DAAM1: variants seen among roughly 807,000 people sequenced by gnomAD.
DAAM1 encodes the protein dishevelled associated activator of morphogenesis 1, also known as disheveled-associated activator of morphogenesis 1.
Under a neutral mutation model 130.0 loss-of-function variants are expected in DAAM1, and 52 were observed. That is an observed-to-expected ratio of 0.40 (90% confidence interval 0.32 to 0.50). DAAM1 has a LOEUF of 0.50. Ranked by LOEUF, DAAM1 falls within the 20% of genes least tolerant of loss-of-function variation. The pLI is 0.61. For synonymous variants in DAAM1, 452 were observed against 444.5 expected (o/e 1.02, Z -0.21); for missense variants, 1,134 against 1,303.8 (o/e 0.87, Z 2.01).
At chr14:59,198,207 C>CT (rs751141772) in intron 1 of DAAM1, among the ~76,000 whole-genome samples, 11,317 of 133,354 alleles carry the variant, frequency 0.085, 656 homozygotes, top group Non-Finnish European at 0.13. Flanking sequence ...TCTTTTCTTT[C>CT]TTTTTTTTTT....
chr14:59,286,138 C>T (rs1267124807), intron 2 of DAAM1, among the ~76,000 whole-genome samples: 2 of 151,974 alleles, frequency 1.3e-5, no homozygotes, highest in Admixed American at 6.6e-5. Context: ...CCATAAAAAT[C>T]ACATGGAAGT....
chr14:59,252,536 C>G (rs1881692955), intron 1 of DAAM1, among the ~76,000 whole-genome samples: 1 of 152,194 alleles, frequency 6.6e-6, no homozygotes, highest in Non-Finnish European at 1.5e-5. Context: ...GATAAGCTGA[C>G]CAACCTGCAG....
chr14:59,211,981 T>C (rs763300679), intron 1 of DAAM1, among the ~76,000 whole-genome samples: 1 of 152,236 alleles, frequency 6.6e-6, no homozygotes, highest in Admixed American at 6.5e-5. Context: ...TTTTCTGATT[T>C]AGCCATTCCT....
At chr14:59,193,023 A>C (rs1324495775) in intron 1 of DAAM1, among the ~76,000 whole-genome samples, 3 of 152,214 alleles carry the variant, frequency 2.0e-5, no homozygotes, top group African/African-American at 7.2e-5. Context: ...ACTGAACTCC[A>C]GCCTGGACTA....
chr14:59,240,187 G>C (rs1053601767), intron 1 of DAAM1, among the ~76,000 whole-genome samples: 1 of 152,038 alleles, frequency 6.6e-6, no homozygotes, highest in African/African-American at 2.4e-5. Context: ...AGACAGGTAG[G>C]GTTTATGTCC....
chr14:59,210,649 T>C (rs1888399866), intron 1 of DAAM1, among the ~76,000 whole-genome samples: 1 of 152,222 alleles, frequency 6.6e-6, no homozygotes, highest in African/African-American at 2.4e-5. Flanking sequence ...GAGGGAAACC[T>C]CAGGCTAGCT....
At chr14:59,219,729 C>G (rs1888711517) in intron 1 of DAAM1, among the ~76,000 whole-genome samples, 1 of 152,172 alleles carries the variant, frequency 6.6e-6, no homozygotes, top group Non-Finnish European at 1.5e-5. Flanking sequence ...ACATGCAATA[C>G]TTGATTTGAA....
chr14:59,307,715 G>GA (rs1487656998), intron 3 of DAAM1, among the ~76,000 whole-genome samples: 1 of 152,128 alleles, frequency 6.6e-6, no homozygotes, highest in African/African-American at 2.4e-5. Context: ...TGCATACATG[G>GA]AAAAAATTCC....
At chr14:59,225,018 G>GTTTTTT (rs1566656866) in intron 1 of DAAM1, among the ~76,000 whole-genome samples, 1 of 102,890 alleles carries the variant, frequency 9.7e-6, no homozygotes, top group Non-Finnish European at 2.1e-5. Flanking sequence ...AATCTGTGTG[G>GTTTTTT]GTTTTTTTTT....
chr14:59,343,304 A>G (rs1490566174), intron 16 of DAAM1, among the ~76,000 whole-genome samples: 1 of 152,246 alleles, frequency 6.6e-6, no homozygotes, highest in African/African-American at 2.4e-5. Context: ...CAGGGCAGCC[A>G]TCAGATAAGG....
intron 12 of DAAM1, 61 bp downstream of exon 12, chr14:59,327,052 A>T (rs974981795): frequency 8.3e-5 from 131 of 1,585,722 alleles, no homozygotes; most frequent in Non-Finnish European, 1.0e-4. Context: ...CTTGATTTCC[A>T]TATATTTTGG....
At chr14:59,200,304 GC>G (rs1430313288) in intron 1 of DAAM1, among the ~76,000 whole-genome samples, 1 of 152,174 alleles carries the variant, frequency 6.6e-6, no homozygotes, top group Non-Finnish European at 1.5e-5. Flanking sequence ...GGAGGATGGG[GC>G]TTTGGGGAAA....
chr14:59,270,118 G>C (rs1478529481), intron 2 of DAAM1, among the ~76,000 whole-genome samples: 1 of 152,212 alleles, frequency 6.6e-6, no homozygotes, highest in South Asian at 2.1e-4. Flanking sequence ...TTCAGTATTT[G>C]TGAGGTGTTG....
At position 59,331,308 on chromosome 14, in the gene DAAM1, C is replaced by T. The variant is rs751570137; in HGVS notation, c.1660C>T (p.Pro554Ser). 6 of 1,612,140 alleles carry T rather than the reference C, an allele frequency of 3.7e-6. No homozygotes were observed. Among genetic ancestry groups the T allele is most frequent in the Non-Finnish European group, 5.1e-6 (6 of 1,179,762 alleles). Reference protein sequence around the residue: ...VPGSLLPPPPPPPLPGGMLPP... With the variant: ...VPGSLLPPPPSPPLPGGMLPP... ...TGGATCTCTCCTTCCTCCCCCACCA[C>T]CCCCACCTCTACCAGGTGGGATGCT... The change falls in exon 14 of 25, where the codon CCC becomes TCC. Residue 554 changes from proline to serine, a missense_variant. Around this residue, in one of 3 missense-constraint regions of DAAM1, gnomAD observed 644 missense variants for 695.9 expected, o/e 0.93. Coordinates refer to ENST00000360909, the MANE Select transcript of DAAM1 (RefSeq NM_001270520.2).
At chr14:59,260,575 C>A (rs1161923327) in intron 1 of DAAM1, among the ~76,000 whole-genome samples, 1 of 152,086 alleles carries the variant, frequency 6.6e-6, no homozygotes, top group African/African-American at 2.4e-5. Flanking sequence ...ATTTATTTAC[C>A]TTTTCTGTAT....
At chr14:59,194,163 G>A (rs1887817478) in intron 1 of DAAM1, among the ~76,000 whole-genome samples, 1 of 151,996 alleles carries the variant, frequency 6.6e-6, no homozygotes, top group Non-Finnish European at 1.5e-5. Context: ...TTTCCGGCAC[G>A]TTATTCTTTT....
At position 59,340,339 on chromosome 14, in the gene DAAM1, T is replaced by G. The variant is rs898972973; in HGVS notation, c.2075+159T>G. ...TGAGAACAGCTCTTGGTGCTTACTT[T>G]CCCTAGTGGAACATATCAGAGCTGG... On this transcript the variant is annotated intron_variant, in intron 16 of 24. Transcript: ENST00000360909. 6.6e-5 allele frequency among the ~76,000 whole-genome samples: 10 copies of G among 152,214 alleles called. No homozygotes were observed. The South Asian group carries it at 1.0e-3, about 16-fold the overall frequency.
intron 3 of DAAM1, among the ~76,000 whole-genome samples, chr14:59,308,977 G>A (rs1037723917): frequency 2.0e-5 from 3 of 152,062 alleles, no homozygotes; most frequent in Non-Finnish European, 4.4e-5. Flanking sequence ...ATGTAACCAG[G>A]ATTGGCAGTC....
At chr14:59,293,392 G>A (rs1006627691) in intron 3 of DAAM1, among the ~76,000 whole-genome samples, 9 of 152,096 alleles carry the variant, frequency 5.9e-5, no homozygotes, top group South Asian at 2.1e-4. Flanking sequence ...CACACCTATC[G>A]AATCCCCTTG....
Sources: allele counts gnomAD v4.1 joint callset (sites outside exome capture counted in the v4.1 genomes callset), GRCh38; gene constraint gnomAD v4.1.1; regional missense constraint gnomAD v4.1.1; transcripts MANE v1.5; gene names NCBI Gene and HGNC (gene_info 2026-07-23, HGNC 2026-07-21).